DOCK2: variants seen among roughly 807,000 people sequenced by gnomAD.
DOCK2 encodes the protein dedicator of cytokinesis 2, also known as dedicator of cytokinesis protein 2.
In DOCK2, 87 loss-of-function variants were observed where a neutral mutation model predicts 248.9. The ratio of observed to expected loss-of-function variants is 0.35; its 90% confidence interval spans 0.29 to 0.42. The LOEUF (loss-of-function observed/expected upper bound fraction) is 0.42. DOCK2 is among the 10% of genes least tolerant of loss of function. DOCK2 has a pLI of 1.00. For synonymous variants in DOCK2, 805 were observed against 821.6 expected (o/e 0.98, Z 0.35); for missense variants, 1,747 against 2,300.2 (o/e 0.76, Z 4.92).
rs371703415 is a variant in DOCK2, at chr5:170,030,438, C to A, written c.3467+2490C>A. Among the ~76,000 whole-genome samples, 95 of 152,228 alleles carry A rather than the reference C, an allele frequency of 6.2e-4. 1 individual carries two copies. The South Asian group carries it at 0.014, about 22-fold the overall frequency. On this transcript the variant is annotated intron_variant, in intron 34 of 51. Coordinates refer to ENST00000520908, the MANE Select transcript of DOCK2 (RefSeq NM_004946.3). ...CTGAAAATTGGGGATAAAATATTAT[C>A]GAGCCCTTAGAGTTTTTGTTGGGAG...
At chr5:169,819,058 T>C (rs975593971) in intron 26 of DOCK2, among the ~76,000 whole-genome samples, 2 of 152,238 alleles carry the variant, frequency 1.3e-5, no homozygotes, top group Non-Finnish European at 2.9e-5. Context: ...TTCGCTTTTA[T>C]ATCTGGGGAC....
intron 34 of DOCK2, 108 bp downstream of exon 34, chr5:170,028,056 A>T (rs1252196259): frequency 1.1e-6 from 1 of 899,006 alleles, no homozygotes; most frequent in Non-Finnish European, 1.6e-6. Context: ...CTGGAGATGG[A>T]TCTAGAGGCT....
At chr5:170,031,752 C>T (rs1480432967) in intron 34 of DOCK2, among the ~76,000 whole-genome samples, 16 of 152,162 alleles carry the variant, frequency 1.1e-4, no homozygotes. Flanking sequence ...CCAATTTTCC[C>T]ATCCATTTCA....
chr5:169,941,328 C>T (rs1426560640), intron 27 of DOCK2, among the ~76,000 whole-genome samples: 6 of 152,190 alleles, frequency 3.9e-5, no homozygotes, highest in East Asian at 1.9e-4. Context: ...CTGTCTCAGC[C>T]GCCCAAGTAG....
intron 25 of DOCK2, among the ~76,000 whole-genome samples, chr5:169,801,930 A>T (rs1581209978): frequency 1.3e-5 from 2 of 151,534 alleles, no homozygotes; most frequent in African/African-American, 2.4e-5. Context: ...GATGTCCAAC[A>T]TCTATTTGTT....
At chr5:170,077,957 A>C in intron 48 of DOCK2, 120 bp downstream of exon 48, 2 of 855,396 alleles carry the variant, frequency 2.3e-6, no homozygotes, top group Non-Finnish European at 3.6e-6. Context: ...TTCAGTTTAA[A>C]AGCCTTTTCC....
intron 25 of DOCK2, chr5:169,773,209 G>A (rs1765192396): frequency 6.6e-6 from 1 of 152,168 alleles, no homozygotes; most frequent in South Asian, 2.1e-4. Context: ...AGAGAAGACA[G>A]TGATTTAATG....
intron 8 of DOCK2, among the ~76,000 whole-genome samples, chr5:169,685,452 T>G (rs1442885526): frequency 6.6e-6 from 1 of 152,192 alleles, no homozygotes; most frequent in African/African-American, 2.4e-5. Flanking sequence ...CATTGGGGTT[T>G]TAGCCCAAGA....
intron 34 of DOCK2, 42 bp downstream of exon 34, chr5:170,027,990 C>A: frequency 6.3e-7 from 1 of 1,575,780 alleles, no homozygotes; most frequent in South Asian, 1.2e-5. Flanking sequence ...CTGTGAAGGT[C>A]AGGTGAGGCG....
chr5:169,849,718 G>A (rs1032593056), intron 27 of DOCK2, among the ~76,000 whole-genome samples: 2 of 152,238 alleles, frequency 1.3e-5, no homozygotes, highest in Non-Finnish European at 2.9e-5. Flanking sequence ...AAGAGGACAA[G>A]GCTGGCATGG....
chr5:169,927,418 T>C (rs1051132596), intron 27 of DOCK2, among the ~76,000 whole-genome samples: 1 of 152,168 alleles, frequency 6.6e-6, no homozygotes, highest in Non-Finnish European at 1.5e-5. Context: ...TAAGTTTGCA[T>C]GTGGTGCCGA....
At chr5:170,041,445 T>A (rs1762644280) in intron 37 of DOCK2, among the ~76,000 whole-genome samples, 1 of 152,216 alleles carries the variant, frequency 6.6e-6, no homozygotes, top group Admixed American at 6.5e-5. Flanking sequence ...CTGCATTCCT[T>A]CTGTTGAGAA....
At chr5:169,786,152 T>C (rs1456641946) in intron 25 of DOCK2, among the ~76,000 whole-genome samples, 1 of 152,222 alleles carries the variant, frequency 6.6e-6, no homozygotes, top group Admixed American at 6.5e-5. Flanking sequence ...TTAAAGTTAA[T>C]TCAGACCTAC....
At chr5:169,793,075 C>T (rs1202154212) in intron 25 of DOCK2, among the ~76,000 whole-genome samples, 4 of 152,138 alleles carry the variant, frequency 2.6e-5, no homozygotes, top group Non-Finnish European at 4.4e-5. Flanking sequence ...TTCCTGCCAT[C>T]GGAGAGATGT....
intron 25 of DOCK2, among the ~76,000 whole-genome samples, chr5:169,789,149 A>G (rs914269719): frequency 6.6e-6 from 1 of 152,178 alleles, no homozygotes; most frequent in Non-Finnish European, 1.5e-5. Flanking sequence ...AGCTCCATCC[A>G]TGTCCCTGTC....
At chr5:169,886,234 G>A (rs1772961261) in intron 27 of DOCK2, among the ~76,000 whole-genome samples, 1 of 152,182 alleles carries the variant, frequency 6.6e-6, no homozygotes. Flanking sequence ...TGAGCAGGTG[G>A]TTCCTCATTT....
chr5:170,001,886 T>C (rs566552597), intron 30 of DOCK2, among the ~76,000 whole-genome samples: 21 of 152,302 alleles, frequency 1.4e-4, no homozygotes, highest in African/African-American at 5.1e-4. Flanking sequence ...CTTGGATGAA[T>C]GGAGAAGGCT....
chr5:169,976,112 A>T (rs547587883), intron 27 of DOCK2, among the ~76,000 whole-genome samples: 11 of 152,332 alleles, frequency 7.2e-5, no homozygotes, highest in Admixed American at 1.3e-4. Context: ...AAATTCTATA[A>T]TAAATTCAAT....
At chr5:169,861,949 G>C (rs987200309) in intron 27 of DOCK2, among the ~76,000 whole-genome samples, 1 of 126,028 alleles carries the variant, frequency 7.9e-6, no homozygotes, top group African/African-American at 2.8e-5. Context: ...TTTTTTTTTT[G>C]TTGGGGAAGT....
Sources: gnomAD v4.1 joint callset for allele counts (sites outside exome capture counted in the v4.1 genomes callset) on GRCh38, gnomAD v4.1.1 for gene constraint, MANE v1.5 for transcripts, NCBI Gene and HGNC (gene_info 2026-07-23, HGNC 2026-07-21) for gene names.